The following TFRC variants were observed in gnomAD, a reference collection of about 807,000 sequenced individuals.
The protein encoded by TFRC is transferrin receptor, also known as transferrin receptor protein 1.
A neutral mutation model predicts 85.8 loss-of-function variants in TFRC; 35 were observed. That is an observed-to-expected ratio of 0.41 (90% CI 0.31 to 0.54). The LOEUF (loss-of-function observed/expected upper bound fraction) is 0.54. TFRC is among the 20% of genes least tolerant of loss of function. The pLI, the probability that TFRC is intolerant of heterozygous loss-of-function variation, is 0.31. For synonymous variants in TFRC, 362 were observed against 328.6 expected (o/e 1.10, Z -1.10); for missense variants, 828 against 921.5 (o/e 0.90, Z 1.31).
chr3:196,052,975 G>A (rs773586747), intron 18 of TFRC, among the ~76,000 whole-genome samples: 6 of 151,962 alleles, frequency 3.9e-5, no homozygotes, highest in South Asian at 2.1e-4. Flanking sequence ...TGAGCCGGGC[G>A]TGGTGTTGGG....
chr3:196,058,677 A>T (rs752770955), intron 14 of TFRC, 45 bp from the exon 15 acceptor site: 1 of 1,435,248 alleles, frequency 7.0e-7, no homozygotes, highest in South Asian at 1.2e-5. Flanking sequence ...TTTGGAACTT[A>T]TTTATTCAGG....
chr3:196,076,901 C>T (rs1044431319), intron 2 of TFRC, among the ~76,000 whole-genome samples, 163 bp downstream of exon 2: 2 of 152,204 alleles, frequency 1.3e-5, no homozygotes, highest in Non-Finnish European at 2.9e-5. Flanking sequence ...CTACTGAAGG[C>T]TGAACTCTTT....
chr3:196,074,208 C>T (rs1577250581), intron 3 of TFRC, 83 bp from the exon 4 acceptor site: 1 of 1,309,030 alleles, frequency 7.6e-7, no homozygotes, highest in Non-Finnish European at 1.1e-6. Context: ...TTCAGGTAAG[C>T]CTTGAAAATA....
intron 13 of TFRC, chr3:196,060,531 G>C: frequency 3.2e-6 from 1 of 308,704 alleles, no homozygotes; most frequent in South Asian, 3.4e-5. Context: ...GGGCACGGTG[G>C]CTCACGCCTG....
intron 1 of TFRC, among the ~76,000 whole-genome samples, chr3:196,081,360 C>CCTT (rs1332957541): frequency 6.6e-6 from 1 of 152,220 alleles, no homozygotes; most frequent in Non-Finnish European, 1.5e-5. Context: ...TGTACCAGAG[C>CCTT]CGAAGGGTAA....
chr3:196,064,292 C>A lies in TFRC; in HGVS notation c.1318+17G>T. On this transcript the variant is annotated intron_variant, in intron 11 of 18. Coordinates refer to ENST00000360110, the MANE Select transcript of TFRC (RefSeq NM_001128148.3). The stretch of plus-strand genomic sequence containing the variant: ...GCAGTGCACCAATATTCAAAAGAAT[C>A]AAAATTTGTACTCTACCTTTTAAGA... 1.2e-6 allele frequency: 2 copies of A among 1,600,548 alleles called. No homozygotes were observed. The highest frequency in any genetic ancestry group is 2.2e-5 in the East Asian group (1 of 44,710).
chr3:196,068,114 C>T lies in TFRC; in HGVS notation c.818G>A (p.Ser273Asn), dbSNP rs1560081478. ...TATCAACACACCAATTGCATTTAAG[C>T]TTTCAGCATTTGCAACCTAAAAGAA... ...TFAEKVANAE[S>N]LNAIGVLIYM... The change falls in exon 8 of 19, where the codon AGC (serine) becomes AAC (asparagine). Residue 273 changes from serine to asparagine, a missense_variant. By Grantham distance (46) the Ser-to-Asn change is conservative. Coordinates refer to ENST00000360110, the MANE Select transcript of TFRC (RefSeq NM_001128148.3). 4.3e-6 allele frequency: 7 copies of T among 1,612,042 alleles called. No homozygotes were observed. The South Asian group carries it at 7.7e-5, about 18-fold the overall frequency.
At chr3:196,060,024 T>G (rs1467729320) in intron 14 of TFRC, among the ~76,000 whole-genome samples, 156 bp downstream of exon 14, 3 of 152,196 alleles carry the variant, frequency 2.0e-5, no homozygotes, top group Non-Finnish European at 2.9e-5. Context: ...CTCATATGGT[T>G]CAATAGGCAA....
intron 1 of TFRC, among the ~76,000 whole-genome samples, chr3:196,077,791 T>A (rs1450954410): frequency 6.6e-6 from 1 of 151,830 alleles, no homozygotes; most frequent in Non-Finnish European, 1.5e-5. Context: ...AAGACAAAAT[T>A]AAGACTAAGG....
intron 18 of TFRC, among the ~76,000 whole-genome samples, chr3:196,052,789 AC>A (rs971929313): frequency 3.2e-4 from 49 of 152,198 alleles, no homozygotes; most frequent in African/African-American, 1.1e-3. Context: ...AATGCTGAGA[AC>A]CAGGCTAATG....
chr3:196,057,314 T>C (rs1716878604), intron 16 of TFRC, among the ~76,000 whole-genome samples: 2 of 152,188 alleles, frequency 1.3e-5, no homozygotes, highest in Admixed American at 1.3e-4. Context: ...CTGTTCTAAT[T>C]ACCGGTGCAT....
At chr3:196,070,113 T>C (rs938200741) in intron 6 of TFRC, among the ~76,000 whole-genome samples, 1 of 152,118 alleles carries the variant, frequency 6.6e-6, no homozygotes, top group African/African-American at 2.4e-5. Context: ...CAATGTTCTT[T>C]AACAGAACAA....
intron 3 of TFRC, 109 bp downstream of exon 3, chr3:196,075,046 CAAAA>C (rs56119775): frequency 1.0e-3 from 542 of 532,912 alleles, no homozygotes; most frequent in East Asian, 3.1e-3. Context: ...CCTCTGTCTC[CAAAA>C]AAAAAAAAAA....
chr3:196,075,403 T>C (rs1209289699), intron 2 of TFRC, 43 bp from the exon 3 acceptor site: 5 of 1,602,400 alleles, frequency 3.1e-6, no homozygotes, highest in African/African-American at 1.3e-5. Flanking sequence ...GGCACGGGAA[T>C]GTTTAGGAAA....
chr3:196,058,670 G>A (rs1342203490), intron 14 of TFRC, 38 bp from the exon 15 acceptor site: 2 of 1,500,464 alleles, frequency 1.3e-6, no homozygotes, highest in Admixed American at 1.9e-5. Flanking sequence ...CTAACCTTTT[G>A]GAACTTATTT....
chr3:196,075,032 T>C, intron 3 of TFRC, 127 bp downstream of exon 3: 1 of 847,934 alleles, frequency 1.2e-6, no homozygotes, highest in South Asian at 1.8e-5. Flanking sequence ...GGCAAGAGAG[T>C]AAGCCTCTGT....
In TFRC at chr3:196,050,088, C is replaced by G. The variant is rs552078948; in HGVS notation, c.*1854G>C. 1.1e-4 allele frequency: 25 copies of G among 231,540 alleles called. No individual in the cohort carries two copies. The highest frequency in any genetic ancestry group is 1.6e-4 in the Non-Finnish European group (19 of 117,008). 14.3% of individuals were successfully genotyped at this position (231,540 alleles called of 1,614,324 possible). A position where few individuals can be genotyped will look rare whatever the true frequency, so the allele number is the denominator to read the frequency against. On this transcript the variant is annotated 3_prime_UTR_variant, in exon 19 of 19. Transcript: ENST00000360110. ...CTCTCCTTCCCCACAGCCCCCAAACCTTCTATACAAAGTCCCTCTGCTTTA... is the reference window on the plus strand; with the variant it reads ...CTCTCCTTCCCCACAGCCCCCAAACGTTCTATACAAAGTCCCTCTGCTTTA...
Position 196,050,492 on chromosome 3 carries a change from A to T in TFRC, c.*1450T>A, listed in dbSNP as rs929749367. 4.9e-6 allele frequency: 1 copy of T among 204,798 alleles called. No homozygotes were observed. The highest frequency in any genetic ancestry group is 2.3e-5 in the African/African-American group (1 of 43,726). 12.7% of individuals were successfully genotyped at this position (204,798 alleles called of 1,614,324 possible). ...ATGGGAAACACTGTTCCCGATAATT[A>T]CTTACACCCTTAGTGTAACATATGG... is the stretch of plus-strand genomic sequence containing the variant. On this transcript the variant is annotated 3_prime_UTR_variant, in exon 19 of 19. Coordinates refer to ENST00000360110, the MANE Select transcript of TFRC (RefSeq NM_001128148.3).
At chr3:196,057,708 C>A (rs1422897156) in intron 16 of TFRC, among the ~76,000 whole-genome samples, 1 of 150,264 alleles carries the variant, frequency 6.7e-6, no homozygotes, top group African/African-American at 2.5e-5. Flanking sequence ...AGGGGGAGGA[C>A]TGCTTGAGGC....
Sources: gnomAD v4.1 joint callset for allele counts (sites outside exome capture counted in the v4.1 genomes callset) on GRCh38, gnomAD v4.1.1 for gene constraint, MANE v1.5 for transcripts, NCBI Gene and HGNC (gene_info 2026-07-23, HGNC 2026-07-21) for gene names.